The following CDC73 variants were observed in gnomAD, a reference collection of about 807,000 sequenced individuals.
CDC73 encodes the protein cell division cycle 73.
CDC73 carries 21 observed loss-of-function variants against 83.7 expected under a neutral mutation model. The ratio of observed to expected loss-of-function variants is 0.25; its 90% CI spans 0.18 to 0.36. CDC73 has a LOEUF of 0.36. CDC73 is among the 10% of genes least tolerant of loss of function. CDC73 has a pLI of 1.00. For synonymous variants in CDC73, 224 were observed against 212.9 expected, an observed-to-expected ratio of 1.05 and a Z score of -0.45; for missense variants, 342 against 653.3, an observed-to-expected ratio of 0.52 and a Z score of 5.19.
chr1:193,165,903 C>T (rs1172842779), intron 10 of CDC73, among the ~76,000 whole-genome samples: 1 of 152,012 alleles, frequency 6.6e-6, no homozygotes, highest in Non-Finnish European at 1.5e-5. Context: ...TGGTGTTTGC[C>T]CATAAAAATA....
intron 5 of CDC73, among the ~76,000 whole-genome samples, chr1:193,137,508 A>G (rs114235871): frequency 0.014 from 2,116 of 152,320 alleles, 51 homozygotes; most frequent in African/African-American, 0.048. Context: ...ACTTGACATC[A>G]TAATATGTGA....
At chr1:193,134,134 C>G (rs1675744856) in intron 3 of CDC73, among the ~76,000 whole-genome samples, 1 of 151,778 alleles carries the variant, frequency 6.6e-6, no homozygotes, top group Non-Finnish European at 1.5e-5. Context: ...GCTTTTTTAC[C>G]AGTTGTGAAT....
intron 10 of CDC73, chr1:193,179,131 G>A (rs1335633238): frequency 1.3e-5 from 2 of 152,102 alleles, no homozygotes; most frequent in African/African-American, 4.8e-5. Flanking sequence ...TTTGTCAAAC[G>A]TTTGTAGTTT....
At chr1:193,249,412 T>TA (rs1678007476) in intron 15 of CDC73, among the ~76,000 whole-genome samples, 1 of 152,046 alleles carries the variant, frequency 6.6e-6, no homozygotes, top group African/African-American at 2.4e-5. Flanking sequence ...CTCATTTTAT[T>TA]ATGATACTTT....
At chr1:193,195,484 C>G (rs1290520686) in intron 10 of CDC73, among the ~76,000 whole-genome samples, 1 of 151,968 alleles carries the variant, frequency 6.6e-6, no homozygotes, top group Non-Finnish European at 1.5e-5. Flanking sequence ...CTGTTTAAGT[C>G]CGTGATTTCA....
chr1:193,218,259 A>G (rs1677403992), intron 13 of CDC73, among the ~76,000 whole-genome samples: 1 of 152,254 alleles, frequency 6.6e-6, no homozygotes, highest in Admixed American at 6.5e-5. Flanking sequence ...GAAAGAAATT[A>G]GAGAAGACAC....
chr1:193,167,323 G>T (rs1342818432), intron 10 of CDC73, among the ~76,000 whole-genome samples: 1 of 151,992 alleles, frequency 6.6e-6, no homozygotes, highest in Non-Finnish European at 1.5e-5. Flanking sequence ...TTTTATGTAG[G>T]CTACTCATAG....
intron 14 of CDC73, among the ~76,000 whole-genome samples, chr1:193,234,871 C>T (rs1677730256): frequency 6.6e-6 from 1 of 150,634 alleles, no homozygotes; most frequent in African/African-American, 2.5e-5. Context: ...AATTTTTTAA[C>T]TTAAGATTTA....
chr1:193,159,816 T>C (rs1676277761), intron 10 of CDC73, among the ~76,000 whole-genome samples: 1 of 152,214 alleles, frequency 6.6e-6, no homozygotes, highest in South Asian at 2.1e-4. Flanking sequence ...GACTGAACAC[T>C]TATTTAGATG....
At chr1:193,201,070 A>G (rs1025297141) in intron 10 of CDC73, among the ~76,000 whole-genome samples, 2 of 132,830 alleles carry the variant, frequency 1.5e-5, no homozygotes, top group Non-Finnish European at 3.2e-5. Flanking sequence ...CAACTGTATA[A>G]CTCTTTGTAT....
intron 13 of CDC73, among the ~76,000 whole-genome samples, chr1:193,226,367 T>C (rs529906019): frequency 1.3e-5 from 2 of 152,210 alleles, no homozygotes; most frequent in African/African-American, 4.8e-5. Context: ...GAGAATGAAA[T>C]GAAGAGAGTG....
intron 1 of CDC73, among the ~76,000 whole-genome samples, 161 bp from the exon 2 acceptor site, chr1:193,124,951 T>G (rs570365349): frequency 4.9e-4 from 74 of 152,326 alleles, no homozygotes; most frequent in Admixed American, 1.2e-3. Context: ...TTGTGTTTCT[T>G]TTGTGATCAT....
chr1:193,203,365 A>G (rs904041594), intron 10 of CDC73, among the ~76,000 whole-genome samples: 33 of 152,152 alleles, frequency 2.2e-4, no homozygotes, highest in Admixed American at 1.2e-3. Context: ...ACATTCCAAT[A>G]TAACATATTT....
intron 10 of CDC73, chr1:193,186,040 T>C (rs1676800343): frequency 6.6e-6 from 1 of 152,456 alleles, no homozygotes; most frequent in Non-Finnish European, 1.5e-5. Flanking sequence ...AGGCCATTTA[T>C]GTGAAGAGGA....
Position 193,189,931 on chromosome 1 carries a change from GAGAA to G in CDC73, c.973-13861_973-13858del, listed in dbSNP as rs1676889576. ...TATGTCCTTGGTAAAAAGATTAAAA[GAGAA>G]AGGTAGGGGGAGAGCACTTCAACCA... On this transcript the variant is annotated intron_variant, in intron 10 of 16. Transcript: ENST00000367435. Among the ~76,000 whole-genome samples the G allele has an allele frequency of 2.6e-5, 4 of 152,292 alleles. No individual in the cohort carries two copies. The South Asian group carries it at 8.3e-4, about 32-fold the overall frequency.
At chr1:193,208,006 C>T (rs1173804059) in intron 11 of CDC73, among the ~76,000 whole-genome samples, 3 of 152,154 alleles carry the variant, frequency 2.0e-5, no homozygotes, top group Admixed American at 6.5e-5. Context: ...TTGGATTTGC[C>T]GTAGGCATTT....
chr1:193,133,066 T>C (rs563876619), intron 3 of CDC73, among the ~76,000 whole-genome samples: 66 of 151,884 alleles, frequency 4.3e-4, no homozygotes, highest in Non-Finnish European at 7.1e-4. Flanking sequence ...CACGCCTGGC[T>C]AACTTTTTGT....
At chr1:193,204,253 A>ATGTGTGTGTGTG (rs370382322) in intron 11 of CDC73, among the ~76,000 whole-genome samples, 98 of 123,786 alleles carry the variant, frequency 7.9e-4, no homozygotes, top group African/African-American at 3.1e-3. Flanking sequence ...ATATATGTGT[A>ATGTGTGTGTGTG]TGTGTGTGTG....
At chr1:193,179,638 C>T (rs771835753) in intron 10 of CDC73, 5 of 152,394 alleles carry the variant, frequency 3.3e-5, no homozygotes, top group Admixed American at 6.6e-5. Flanking sequence ...CATTTTACCA[C>T]GTCATGTCAA....
Sources: allele counts gnomAD v4.1 joint callset (sites outside exome capture counted in the v4.1 genomes callset), GRCh38; gene constraint gnomAD v4.1.1; transcripts MANE v1.5; gene names NCBI Gene and HGNC (gene_info 2026-07-23, HGNC 2026-07-21).